The following SNAP47 variants were observed in gnomAD, a reference collection of about 807,000 sequenced individuals.
SNAP47 encodes synaptosomal-associated protein 47.
A neutral mutation model predicts 31.4 loss-of-function variants in SNAP47; 20 were observed. That is an observed-to-expected ratio of 0.64 (90% CI 0.45 to 0.93). The LOEUF is 0.93. Ranked by LOEUF, SNAP47 falls within the 40% of genes least tolerant of loss-of-function variation. SNAP47 has a pLI of 0.00. For missense variants in SNAP47, 492 were observed against 528.5 expected (o/e 0.93, Z 0.68); for synonymous variants, 194 against 213.4 (o/e 0.91, Z 0.79).
chr1:227,738,860 G>A (rs1433631279), intron 1 of SNAP47, among the ~76,000 whole-genome samples: 1 of 152,234 alleles, frequency 6.6e-6, no homozygotes, highest in Non-Finnish European at 1.5e-5. Context: ...TGTTTCCTAA[G>A]AAAGGAGCAT....
In SNAP47 at chr1:227,763,987, C is replaced by G. The variant is rs1663230130; in HGVS notation, c.989-2972C>G. The stretch of plus-strand genomic sequence containing the variant: ...TCTCTTTCCAGATGACCAAGACATT[C>G]TGCAGCCAGCAGTGTGCCCTGGGCT... On this transcript the variant is annotated intron_variant, in intron 3 of 4. Coordinates refer to ENST00000617596, the MANE Select transcript of SNAP47 (RefSeq NM_053052.4). This position sits in a 1 kb window ranked among gnomAD's most constrained non-coding sequence, Gnocchi z 4.2. Among the ~76,000 whole-genome samples the G allele has an allele frequency of 6.6e-6, 1 of 152,220 alleles. No homozygotes were observed. Among genetic ancestry groups the G allele is most frequent in the Admixed American group, 6.5e-5 (1 of 15,292 alleles).
intron 1 of SNAP47, among the ~76,000 whole-genome samples, chr1:227,742,958 C>G (rs1026786025): frequency 6.6e-6 from 1 of 152,168 alleles, no homozygotes; most frequent in African/African-American, 2.4e-5. Context: ...TGCCGACCCT[C>G]GCCATGGCCC....
At chr1:227,773,242 A>C (rs1456593030) in intron 4 of SNAP47, among the ~76,000 whole-genome samples, 1 of 149,524 alleles carries the variant, frequency 6.7e-6, no homozygotes, top group East Asian at 2.0e-4. Context: ...AAGTGCTGAG[A>C]TTATGGGCAT....
intron 4 of SNAP47, among the ~76,000 whole-genome samples, chr1:227,770,088 C>A (rs184466301): frequency 6.6e-6 from 1 of 152,312 alleles, no homozygotes; most frequent in Admixed American, 6.5e-5. Context: ...GTGCCATGGC[C>A]GGTCCCTGTG....
At chr1:227,780,465 G>A (rs1387817137) in intron 4 of SNAP47, 62 bp from the exon 5 acceptor site, 2 of 1,602,460 alleles carry the variant, frequency 1.2e-6, no homozygotes, top group Non-Finnish European at 8.5e-7. Context: ...AGGGGGAGAT[G>A]TTGTCTGTGC....
intron 1 of SNAP47, among the ~76,000 whole-genome samples, chr1:227,742,694 AGGTATGGC>A (rs1252593103): frequency 6.6e-6 from 1 of 152,056 alleles, no homozygotes; most frequent in Non-Finnish European, 1.5e-5. Context: ...CTCGAAGGCC[AGGTATGGC>A]TGAGGTCTGG....
intron 1 of SNAP47, among the ~76,000 whole-genome samples, chr1:227,738,970 C>T (rs114940940): frequency 1.3e-5 from 2 of 152,118 alleles, no homozygotes; most frequent in Non-Finnish European, 2.9e-5. Context: ...TGGTTTAGTT[C>T]GCTGGTCCGC....
chr1:227,741,713 G>A lies in SNAP47; in HGVS notation c.-45-5979G>A, dbSNP rs555542642. On this transcript the variant is annotated intron_variant, in intron 1 of 4. Coordinates refer to ENST00000617596, the MANE Select transcript of SNAP47 (RefSeq NM_053052.4). This position sits in a 1 kb window ranked among gnomAD's most constrained non-coding sequence, Gnocchi z 4.2. ...CTGTGGCCTCTGTGTGGGGCCAGGC[G>A]TGTCGTCGGGTAGGGGAATGGCTGG... 8.5e-5 allele frequency among the ~76,000 whole-genome samples: 13 copies of A among 152,252 alleles called. No homozygotes were observed. Among genetic ancestry groups the A allele is most frequent in the Admixed American group, 1.3e-4 (2 of 15,302 alleles).
chr1:227,747,664 C>A, intron 1 of SNAP47, 28 bp from the exon 2 acceptor site: 1 of 1,555,998 alleles, frequency 6.4e-7, no homozygotes, highest in Admixed American at 1.8e-5. Context: ...TGGGTGACGG[C>A]AGAACGTTAC....
intron 4 of SNAP47, among the ~76,000 whole-genome samples, chr1:227,771,496 C>T (rs899030051): frequency 6.6e-6 from 1 of 152,116 alleles, no homozygotes; most frequent in African/African-American, 2.4e-5. Context: ...GGGGGCCCTG[C>T]ATGCACGTAG....
intron 3 of SNAP47, 137 bp from the exon 4 acceptor site, chr1:227,766,822 A>G: frequency 8.0e-7 from 1 of 1,257,450 alleles, no homozygotes; most frequent in Non-Finnish European, 1.1e-6. Flanking sequence ...AGGCTCACAG[A>G]GGTCGAGAGA....
rs148832444 is a variant in SNAP47 at position 227,768,661 on chromosome 1, G to C, written c.1113+1578G>C. 1.0e-2 allele frequency among the ~76,000 whole-genome samples: 1,521 copies of C among 152,298 alleles called. 17 individuals carry two copies. The highest frequency in any genetic ancestry group is 0.032 in the African/African-American group (1,316 of 41,548). On this transcript the variant is annotated intron_variant, in intron 4 of 4. Transcript: ENST00000617596. ...ATGGCACACACAGCACTGCCTGGTA[G>C]GTGTAGCCAGCTCACTCTGCAGGTT...
upstream of SNAP47, chr1:227,733,555 G>T: frequency 6.2e-7 from 1 of 1,606,676 alleles, no homozygotes; most frequent in South Asian, 1.1e-5. Flanking sequence ...TCACGTCGTA[G>T]GGCAGGTTGC....
Position 227,741,502 on chromosome 1 carries a change from G to A in SNAP47, c.-46+6003G>A, listed in dbSNP as rs1161179254. Among the ~76,000 whole-genome samples, 1 of 152,188 alleles carries A rather than the reference G, an allele frequency of 6.6e-6. No individual in the cohort carries two copies. Among genetic ancestry groups the A allele is most frequent in the Non-Finnish European group, 1.5e-5 (1 of 68,038 alleles). ...CACACCCCATGTTGATGTCTTGTGT[G>A]TGGCCACTTTCATTCCACCCCAGCA... On this transcript the variant is annotated intron_variant, in intron 1 of 4. Transcript: ENST00000617596. The surrounding 1 kb of genome is among the most constrained non-coding windows in gnomAD (Gnocchi z 4.2).
chr1:227,777,119 AGTT>A (rs1287598856), intron 4 of SNAP47: 1 of 900,262 alleles, frequency 1.1e-6, no homozygotes, highest in Non-Finnish European at 1.3e-6. Flanking sequence ...TAAAAAAAAA[AGTT>A]ATTTTATTTT....
At chr1:227,757,860 A>G (rs1416042577) in intron 2 of SNAP47, among the ~76,000 whole-genome samples, 4 of 152,228 alleles carry the variant, frequency 2.6e-5, no homozygotes, top group African/African-American at 7.2e-5. Context: ...GGCCCATGGC[A>G]GTTAGCTTAG....
At chr1:227,757,011 C>T (rs1348529992) in intron 2 of SNAP47, among the ~76,000 whole-genome samples, 1 of 152,250 alleles carries the variant, frequency 6.6e-6, no homozygotes, top group African/African-American at 2.4e-5. Flanking sequence ...GAACTTTCTC[C>T]AGATGAGGGA....
At chr1:227,764,817 T>A (rs924196650) in intron 3 of SNAP47, among the ~76,000 whole-genome samples, 1 of 151,980 alleles carries the variant, frequency 6.6e-6, no homozygotes, top group African/African-American at 2.4e-5. Context: ...GGCAGGAGAA[T>A]CCCTTGAACC....
At chr1:227,752,236 T>A (rs1662422758) in intron 2 of SNAP47, among the ~76,000 whole-genome samples, 1 of 152,160 alleles carries the variant, frequency 6.6e-6, no homozygotes, top group African/African-American at 2.4e-5. Flanking sequence ...GCCTGTCATT[T>A]TGTTCCCTTT....
Sources: gnomAD v4.1 joint callset for allele counts (sites outside exome capture counted in the v4.1 genomes callset) on GRCh38, gnomAD v4.1.1 for gene constraint, Gnocchi (gnomAD v3.1) non-coding constraint, MANE v1.5 for transcripts, NCBI Gene and HGNC (gene_info 2026-07-23, HGNC 2026-07-21) for gene names.